The following IL20RA variants were observed in gnomAD, a reference collection of about 807,000 sequenced individuals.
IL20RA encodes interleukin 20 receptor subunit alpha.
IL20RA carries 29 observed loss-of-function variants against 36.5 expected under a neutral mutation model. That is an observed-to-expected ratio of 0.79 (90% CI 0.59 to 1.08). The LOEUF (loss-of-function observed/expected upper bound fraction) is 1.08, where lower values mean the gene tolerates loss of function less well. Among genes scored for constraint, IL20RA ranks in the 50% least tolerant of loss-of-function variants. The pLI is 0.00. For synonymous variants in IL20RA, 279 were observed against 267.1 expected (o/e 1.04, Z -0.43); for missense variants, 652 against 668.4 (o/e 0.98, Z 0.27).
chr6:137,030,922 C>A (rs1224906924), intron 1 of IL20RA, among the ~76,000 whole-genome samples: 1 of 152,108 alleles, frequency 6.6e-6, no homozygotes, highest in African/African-American at 2.4e-5. Flanking sequence ...TTCAGCATCA[C>A]CTCCCCTTCA....
chr6:137,043,961 G>A (rs1776803993), intron 1 of IL20RA: 1 of 308,132 alleles, frequency 3.2e-6, no homozygotes, highest in African/African-American at 2.3e-5. Flanking sequence ...CAAAACGAAA[G>A]AGCTCTTCAG....
chr6:137,034,946 GA>G (rs11309213), intron 1 of IL20RA, among the ~76,000 whole-genome samples: 55,648 of 118,386 alleles, frequency 0.47, 12,829 homozygotes, highest in African/African-American at 0.65. Flanking sequence ...CTCCATCTCA[GA>G]AAAAAAAAAA....
intron 1 of IL20RA, among the ~76,000 whole-genome samples, chr6:137,018,513 C>CATGTGT (rs749921946): frequency 1.4e-5 from 2 of 142,816 alleles, no homozygotes; most frequent in South Asian, 4.4e-4. Context: ...CTGCCGTGTG[C>CATGTGT]GTGTGTGTGT....
chr6:137,030,534 C>G (rs1430542963), intron 1 of IL20RA, among the ~76,000 whole-genome samples: 1 of 152,130 alleles, frequency 6.6e-6, no homozygotes, highest in African/African-American at 2.4e-5. Context: ...GCCTCCTTTA[C>G]TCATAAAGAC....
chr6:137,008,865 CTT>C (rs3041890), intron 4 of IL20RA, 122 bp from the exon 5 acceptor site: 2,238 of 141,294 alleles, frequency 0.016, 1 homozygote, highest in Middle Eastern at 0.03. Flanking sequence ...TCAGTATAAG[CTT>C]TTTTTTTTTT....
chr6:137,027,671 G>T (rs1776141361), intron 1 of IL20RA, among the ~76,000 whole-genome samples: 1 of 152,204 alleles, frequency 6.6e-6, no homozygotes, highest in Non-Finnish European at 1.5e-5. Context: ...CTGGAACAGT[G>T]CCCGGCACAA....
chr6:137,008,092 C>T (rs1045707146), intron 5 of IL20RA, among the ~76,000 whole-genome samples: 11 of 152,232 alleles, frequency 7.2e-5, no homozygotes, highest in African/African-American at 1.7e-4. Context: ...CTCAGCCTCC[C>T]GAGTAGCTAG....
chr6:137,008,695 G>C lies in IL20RA; in HGVS notation c.628C>G (p.Pro210Ala). ...NHTLVLTWLE[P>A]NTLYCVHVES... is the part of the protein sequence containing the mutation. The stretch of plus-strand genomic sequence containing the variant: ...ACGTGTACGCAGTAAAGAGTGTTCG[G>C]CTCCAGCCAGGTGAGCACCAGCGTG... The change falls in exon 5 of 7, where the codon CCG (proline) becomes GCG (alanine). Residue 210 changes from proline (P) to alanine (A), a missense_variant. Pro to Ala is a conservative substitution (Grantham distance 27). Transcript: ENST00000316649. The C allele has an allele frequency of 6.2e-7, 1 of 1,606,728 alleles. No individual in the cohort carries two copies. The highest frequency in any genetic ancestry group is 8.5e-7 in the Non-Finnish European group (1 of 1,176,624).
Position 137,016,975 on chromosome 6 carries a change from A to G in IL20RA, c.217T>C (p.Tyr73His). 6.2e-7 allele frequency: 1 copy of G among 1,613,602 alleles called. No homozygotes were observed. The highest frequency in any genetic ancestry group is 8.5e-7 in the Non-Finnish European group (1 of 1,179,670). Reference sequence around the variant, plus strand: ...GGAAAAGAAGAAACTTACATGAAATACTGCACAGTGTAAGTAACTTTAACT... The same window carrying G: ...GGAAAAGAAGAAACTTACATGAAATGCTGCACAGTGTAAGTAACTTTAACT... ...QGVKVTYTVQ[Y>H]FIYGQKKWLN... The change falls in exon 2 of 7, where the codon TAT becomes CAT. Residue 73 changes from tyrosine (Y) to histidine (H), a missense_variant. Physicochemically the swap from Tyr to His is moderately conservative, Grantham distance 83 (BLOSUM62 2). Transcript: ENST00000316649.
At chr6:137,009,216 C>T (rs781628326) in intron 4 of IL20RA, 101 bp downstream of exon 4, 1 of 1,008,024 alleles carries the variant, frequency 9.9e-7, no homozygotes, top group South Asian at 1.3e-5. Context: ...ATCATGACTT[C>T]CCAGATTCAC....
intron 1 of IL20RA, among the ~76,000 whole-genome samples, chr6:137,031,171 C>T (rs1334460470): frequency 6.6e-6 from 1 of 152,170 alleles, no homozygotes; most frequent in Admixed American, 6.6e-5. Flanking sequence ...CTTAAAACAG[C>T]CCATTTCCTC....
chr6:137,044,506 C>A (rs1776826614), intron 1 of IL20RA, 135 bp downstream of exon 1: 1 of 960,756 alleles, frequency 1.0e-6, no homozygotes, highest in Non-Finnish European at 1.3e-6. Context: ...GGCCTCCGCG[C>A]ACCTCGTCCT....
At chr6:137,007,286 C>A (rs1021740333) in intron 5 of IL20RA, among the ~76,000 whole-genome samples, 12 of 152,330 alleles carry the variant, frequency 7.9e-5, no homozygotes, top group African/African-American at 2.9e-4. Flanking sequence ...AAAAGAAAAG[C>A]TATGATAAAG....
chr6:137,005,192 C>T (rs1166376726), intron 5 of IL20RA, among the ~76,000 whole-genome samples: 1 of 152,238 alleles, frequency 6.6e-6, no homozygotes, highest in Non-Finnish European at 1.5e-5. Context: ...TCCACGCCAC[C>T]TGTTTGACTC....
chr6:137,029,711 CTGTT>C (rs773151776), intron 1 of IL20RA, among the ~76,000 whole-genome samples: 3 of 152,024 alleles, frequency 2.0e-5, no homozygotes, highest in Non-Finnish European at 2.9e-5. Flanking sequence ...CAAAGACAAA[CTGTT>C]TGGGACCACT....
chr6:137,044,229 G>C, intron 1 of IL20RA: 2 of 988,838 alleles, frequency 2.0e-6, no homozygotes, highest in African/African-American at 3.5e-5. Context: ...GCATCCACAG[G>C]GGCCCCTCCG....
chr6:137,039,914 A>T (rs1390608659), intron 1 of IL20RA, among the ~76,000 whole-genome samples: 1 of 152,240 alleles, frequency 6.6e-6, no homozygotes, highest in Non-Finnish European at 1.5e-5. Context: ...AAATGAACTG[A>T]ACTTATCCCA....
chr6:137,001,864 A>T lies in IL20RA; in HGVS notation c.1356T>A (p.Pro452=), dbSNP rs1171531164. The stretch of plus-strand genomic sequence containing the variant: ...CCAGGGGGTCTAAGTCTTGGAGCTG[A>T]GGGGTGTATGAGTACTGTAACGTTT... ...GPQTLQYSYT[P]QLQDLDPLAQ... The change falls in exon 7 of 7, where the codon CCT becomes CCA. Residue 452 remains proline, a synonymous_variant. Coordinates refer to ENST00000316649, the MANE Select transcript of IL20RA (RefSeq NM_014432.4). 1 of 1,613,540 alleles carries T rather than the reference A, an allele frequency of 6.2e-7. No homozygotes were observed. The highest frequency in any genetic ancestry group is 1.7e-5 in the Admixed American group (1 of 59,994).
intron 1 of IL20RA, among the ~76,000 whole-genome samples, chr6:137,027,174 G>C (rs370138244): frequency 6.6e-6 from 1 of 152,200 alleles, no homozygotes; most frequent in Non-Finnish European, 1.5e-5. Flanking sequence ...GAGCCACCAC[G>C]CCTGGCTGAA....
Sources: allele counts gnomAD v4.1 joint callset (sites outside exome capture counted in the v4.1 genomes callset), GRCh38; gene constraint gnomAD v4.1.1; transcripts MANE v1.5; gene names NCBI Gene and HGNC (gene_info 2026-07-23, HGNC 2026-07-21).